The following CLDN10 variants were observed in gnomAD, a reference collection of about 807,000 sequenced individuals.
CLDN10 encodes claudin-10.
A neutral mutation model predicts 22.9 loss-of-function variants in CLDN10; 15 were observed. The ratio of observed to expected loss-of-function variants is 0.65; its 90% CI spans 0.44 to 1.01. The LOEUF (loss-of-function observed/expected upper bound fraction) is 1.01, where lower values mean the gene tolerates loss of function less well. Among genes scored for constraint, CLDN10 ranks in the 50% least tolerant of loss-of-function variants. The pLI, the probability that CLDN10 is intolerant of heterozygous loss-of-function variation, is 0.00. For synonymous variants in CLDN10, 114 were observed against 111.4 expected, an observed-to-expected ratio of 1.02 and a Z score of -0.15; for missense variants, 247 against 287.8, an observed-to-expected ratio of 0.86 and a Z score of 1.03.
chr13:95,516,523 C>T (rs1049532782), intron 1 of CLDN10, among the ~76,000 whole-genome samples: 21 of 102,368 alleles, frequency 2.1e-4, no homozygotes, highest in Non-Finnish European at 3.6e-4. Flanking sequence ...ATTTTAACTT[C>T]CTCTGAAATC....
chr13:95,490,426 C>T (rs918191707), intron 1 of CLDN10, among the ~76,000 whole-genome samples: 2 of 152,000 alleles, frequency 1.3e-5, no homozygotes, highest in African/African-American at 2.4e-5. Flanking sequence ...CTTGAAGAGG[C>T]CTTTCGACTC....
intron 1 of CLDN10, among the ~76,000 whole-genome samples, chr13:95,505,510 C>T (rs570135749): frequency 1.3e-5 from 2 of 152,268 alleles, no homozygotes; most frequent in Non-Finnish European, 2.9e-5. Context: ...TGGTTTCAGC[C>T]CAGGCCAAGT....
At chr13:95,564,075 C>T (rs1310090978) in intron 3 of CLDN10, among the ~76,000 whole-genome samples, 1 of 152,206 alleles carries the variant, frequency 6.6e-6, no homozygotes, top group Non-Finnish European at 1.5e-5. Flanking sequence ...AGAATCAAAG[C>T]TTGTGGCAGG....
intron 1 of CLDN10, among the ~76,000 whole-genome samples, chr13:95,490,539 G>A (rs777299160): frequency 4.6e-5 from 7 of 152,114 alleles, no homozygotes; most frequent in Non-Finnish European, 8.8e-5. Flanking sequence ...GCTCATTCAG[G>A]AGCAGATTAC....
At chr13:95,532,809 A>AAAAAAAAAAAAAAAAC (rs2043358835) in intron 1 of CLDN10, among the ~76,000 whole-genome samples, 1 of 151,006 alleles carries the variant, frequency 6.6e-6, no homozygotes, top group Non-Finnish European at 1.5e-5. Context: ...AAAAAAAAAA[A>AAAAAAAAAAAAAAAAC]AAAAAGAAGA....
At chr13:95,538,463 A>G (rs1440079973) in intron 1 of CLDN10, among the ~76,000 whole-genome samples, 1 of 152,010 alleles carries the variant, frequency 6.6e-6, no homozygotes, top group Admixed American at 6.6e-5. Context: ...TGAATTACCA[A>G]CAAGCATTCA....
rs574201542 is a variant in CLDN10 at position 95,556,336 on chromosome 13, C to T, written c.220+3363C>T. Among the ~76,000 whole-genome samples, 30 of 152,278 alleles carry T rather than the reference C, an allele frequency of 2.0e-4. 1 individual carries two copies. In the South Asian group the frequency reaches 2.1e-3, roughly 11 times the overall value. ...GCTGGGATTACAGGCATGAGCCATG[C>T]GCCCAGCCCTAAATTTCTTATATAA... is the stretch of plus-strand genomic sequence containing the variant. On this transcript the variant is annotated intron_variant, in intron 1 of 4. Transcript: ENST00000299339.
intron 1 of CLDN10, among the ~76,000 whole-genome samples, chr13:95,520,697 A>T (rs1383444403): frequency 6.6e-6 from 1 of 152,124 alleles, no homozygotes; most frequent in Non-Finnish European, 1.5e-5. Flanking sequence ...AATTGTTTGG[A>T]TGAGGGCGGG....
At chr13:95,514,925 C>A (rs1157548357) in intron 1 of CLDN10, among the ~76,000 whole-genome samples, 3 of 152,052 alleles carry the variant, frequency 2.0e-5, no homozygotes, top group Non-Finnish European at 4.4e-5. Context: ...ATGGAGATGG[C>A]GCTGAAGATG....
In CLDN10 at chr13:95,531,696, A is replaced by ATT. The variant is rs554517238; in HGVS notation, c.215-28420_215-28419dup. 1.8e-3 allele frequency among the ~76,000 whole-genome samples: 242 copies of ATT among 137,778 alleles called. 2 individuals are homozygous for ATT. Among genetic ancestry groups the ATT allele is most frequent in the African/African-American group, 5.0e-3 (188 of 37,568 alleles). The allele number at this position is 137,778 out of a possible 152,430, so 90.4% of individuals were successfully genotyped here. On this transcript the variant is annotated intron_variant, in intron 1 of 4. Transcript: ENST00000376873. ...AGGCGCCCACCACCACGCCTGGCTA[A>ATT]TTTTTTTTTTTTTTTTTGATATTTT...
At chr13:95,536,158 T>A (rs552038192) in intron 1 of CLDN10, among the ~76,000 whole-genome samples, 1 of 141,948 alleles carries the variant, frequency 7.0e-6, no homozygotes, top group Admixed American at 7.6e-5. Context: ...TATCTTTAAA[T>A]ACATTTGTGT....
At chr13:95,443,211 T>C (rs1415986986) in intron 1 of CLDN10, among the ~76,000 whole-genome samples, 1 of 152,226 alleles carries the variant, frequency 6.6e-6, no homozygotes, top group East Asian at 1.9e-4. Flanking sequence ...AGCTTGGCCA[T>C]GTTTTGTGGA....
intron 3 of CLDN10, among the ~76,000 whole-genome samples, chr13:95,564,139 G>A (rs754207245): frequency 6.6e-6 from 1 of 152,214 alleles, no homozygotes; most frequent in Non-Finnish European, 1.5e-5. Context: ...AATGTTCTAT[G>A]TCTTTGGTGT....
At chr13:95,553,956 C>T (rs2043601970) in intron 1 of CLDN10, among the ~76,000 whole-genome samples, 1 of 152,184 alleles carries the variant, frequency 6.6e-6, no homozygotes, top group African/African-American at 2.4e-5. Context: ...ATTTACATTA[C>T]ATATTTCTAG....
intron 1 of CLDN10, among the ~76,000 whole-genome samples, chr13:95,530,553 C>T (rs1380935187): frequency 6.6e-6 from 1 of 152,174 alleles, no homozygotes; most frequent in African/African-American, 2.4e-5. Flanking sequence ...GTGTGTCTAT[C>T]TTCATTAGGG....
intron 1 of CLDN10, among the ~76,000 whole-genome samples, chr13:95,491,724 G>A (rs2042873728): frequency 6.6e-6 from 1 of 151,880 alleles, no homozygotes; most frequent in South Asian, 2.1e-4. Flanking sequence ...TGATTTTTTG[G>A]GGATACTGAA....
chr13:95,501,094 A>C (rs2042979885), intron 1 of CLDN10, among the ~76,000 whole-genome samples: 1 of 151,786 alleles, frequency 6.6e-6, no homozygotes, highest in Non-Finnish European at 1.5e-5. Context: ...AGCCACTGCA[A>C]CCTCCACCTC....
intron 3 of CLDN10, among the ~76,000 whole-genome samples, chr13:95,576,738 A>G (rs1387947902): frequency 6.6e-6 from 1 of 152,202 alleles, no homozygotes; most frequent in Non-Finnish European, 1.5e-5. Flanking sequence ...AATGATAGCT[A>G]TTGATTCATT....
At chr13:95,521,681 A>G (rs2043225595) in intron 1 of CLDN10, among the ~76,000 whole-genome samples, 1 of 152,168 alleles carries the variant, frequency 6.6e-6, no homozygotes, top group Admixed American at 6.5e-5. Context: ...TTTTGTATCA[A>G]AATATACCAG....
Sources: allele counts gnomAD v4.1 joint callset (sites outside exome capture counted in the v4.1 genomes callset), GRCh38; gene constraint gnomAD v4.1.1; transcripts MANE v1.5; gene names NCBI Gene and HGNC (gene_info 2026-07-23, HGNC 2026-07-21).